NPHP1: variants seen among roughly 807,000 people sequenced by gnomAD.
NPHP1 encodes the protein nephrocystin 1, also known as nephrocystin-1.
Under a neutral mutation model 90.4 loss-of-function variants are expected in NPHP1, and 70 were observed. That is an observed-to-expected ratio of 0.77 (90% CI 0.64 to 0.95). The LOEUF (loss-of-function observed/expected upper bound fraction) is 0.95, where lower values mean the gene tolerates loss of function less well. NPHP1 is among the 40% of genes least tolerant of loss of function. The pLI, the probability that NPHP1 is intolerant of heterozygous loss-of-function variation, is 0.00. For missense variants in NPHP1, 764 were observed against 795.9 expected (o/e 0.96, Z 0.48); for synonymous variants, 256 against 271.7 (o/e 0.94, Z 0.57).
At chr2:110,193,284 T>C (rs1364575934) in intron 2 of NPHP1, among the ~76,000 whole-genome samples, 2 of 152,066 alleles carry the variant, frequency 1.3e-5, no homozygotes, top group Admixed American at 6.5e-5. Flanking sequence ...GAGACACACA[T>C]AGGCTCAAAA....
In NPHP1 at chr2:110,169,853, C is replaced by A. The variant is rs372855293; in HGVS notation, c.475G>T (p.Ala159Ser). ...HKWSTGEEYI[A>S]VGDFTAQQVG... ...TGCTGAGCAGTAAAATCTCCAACAG[C>A]GATGTATTCTTCACCGGTTGACCAT... The change falls in exon 5 of 20, where the codon GCT (alanine) becomes TCT (serine). Residue 159 changes from alanine to serine, a missense_variant. Ala to Ser is a moderately conservative substitution (Grantham distance 99, BLOSUM62 1). Coordinates refer to ENST00000445609, the MANE Select transcript of NPHP1 (RefSeq NM_001128178.3). The A allele has an allele frequency of 1.2e-6, 2 of 1,613,596 alleles. No individual in the cohort carries two copies. The highest frequency in any genetic ancestry group is 2.2e-5 in the East Asian group (1 of 44,846).
At chr2:110,154,621 G>A (rs1681750210) in intron 11 of NPHP1, among the ~76,000 whole-genome samples, 1 of 152,082 alleles carries the variant, frequency 6.6e-6, no homozygotes. Context: ...GAACTTGTTG[G>A]GCACTGGAGA....
intron 19 of NPHP1, chr2:110,124,422 G>C: frequency 3.0e-6 from 1 of 329,476 alleles, no homozygotes; most frequent in Non-Finnish European, 5.8e-6. Context: ...TGCCAAGTCA[G>C]CTGAACCTAC....
chr2:110,144,629 G>A, intron 14 of NPHP1, 60 bp from the exon 15 acceptor site: 3 of 964,802 alleles, frequency 3.1e-6, no homozygotes, highest in Non-Finnish European at 5.1e-6. Context: ...AAACACTGGA[G>A]TCAGTAGTTA....
chr2:110,194,255 G>T (rs182389674), intron 2 of NPHP1, among the ~76,000 whole-genome samples: 2 of 151,722 alleles, frequency 1.3e-5, no homozygotes, highest in East Asian at 1.9e-4. Flanking sequence ...TTGATAAACC[G>T]CTAGCAAGAC....
chr2:110,184,297 A>G (rs1228728075), intron 2 of NPHP1: 1 of 600,912 alleles, frequency 1.7e-6, no homozygotes, highest in Non-Finnish European at 3.2e-6. Flanking sequence ...GGCATTGTCA[A>G]GGACTGGAAC....
At chr2:110,175,829 A>G (rs1353998746) in intron 4 of NPHP1, among the ~76,000 whole-genome samples, 1 of 152,110 alleles carries the variant, frequency 6.6e-6, no homozygotes, top group Admixed American at 6.5e-5. Flanking sequence ...TGAGACTTCA[A>G]TTACAAATCT....
intron 13 of NPHP1, 33 bp from the exon 14 acceptor site, chr2:110,146,868 G>C: frequency 6.9e-7 from 1 of 1,449,340 alleles, no homozygotes; most frequent in Non-Finnish European, 9.7e-7. Context: ...GAAACTTAAG[G>C]TCTGAACTAG....
chr2:110,171,560 A>G (rs919820432), intron 4 of NPHP1, among the ~76,000 whole-genome samples: 4 of 152,168 alleles, frequency 2.6e-5, no homozygotes, highest in African/African-American at 9.7e-5. Flanking sequence ...CCACAAGACT[A>G]AAAAATCCAT....
chr2:110,154,461 T>C (rs1006465344), intron 11 of NPHP1, among the ~76,000 whole-genome samples: 1 of 151,850 alleles, frequency 6.6e-6, no homozygotes, highest in African/African-American at 2.4e-5. Context: ...CAGGCAGAGG[T>C]TGGAACAGTT....
intron 12 of NPHP1, among the ~76,000 whole-genome samples, chr2:110,149,373 A>T (rs1681297512): frequency 6.6e-6 from 1 of 152,170 alleles, no homozygotes; most frequent in South Asian, 2.1e-4. Context: ...ACGCAATAAC[A>T]GAATTGTGAA....
At chr2:110,143,393 T>C (rs891006434) in intron 16 of NPHP1, 149 bp downstream of exon 16, 13 of 668,150 alleles carry the variant, frequency 1.9e-5, no homozygotes, top group Middle Eastern at 2.5e-4. Flanking sequence ...TTGTTACCCA[T>C]TTCCCTACTG....
chr2:110,179,478 C>T, intron 3 of NPHP1, 146 bp downstream of exon 3: 1 of 558,662 alleles, frequency 1.8e-6, no homozygotes, highest in Non-Finnish European at 3.3e-6. Context: ...ACTTAGCAAG[C>T]CTGTTCGGCA....
intron 14 of NPHP1, 24 bp downstream of exon 14, chr2:110,146,729 G>T (rs201776439): frequency 1.3e-6 from 2 of 1,531,208 alleles, no homozygotes; most frequent in South Asian, 1.1e-5. Context: ...GTATTCATTC[G>T]TTAGGAATAT....
intron 8 of NPHP1, chr2:110,163,467 A>C (rs572758469): frequency 6.0e-6 from 2 of 334,494 alleles, no homozygotes; most frequent in Non-Finnish European, 1.1e-5. Flanking sequence ...GTCTATTGGC[A>C]AATCACATGC....
At chr2:110,192,869 AG>A (rs1224757339) in intron 2 of NPHP1, among the ~76,000 whole-genome samples, 1 of 152,182 alleles carries the variant, frequency 6.6e-6, no homozygotes, top group Non-Finnish European at 1.5e-5. Flanking sequence ...CTTAAAGAAA[AG>A]AATTTTCAAC....
At position 110,166,342 on chromosome 2, in the gene NPHP1, T is replaced by A. The variant is rs186617182; in HGVS notation, c.625-1187A>T. 8.3e-4 allele frequency among the ~76,000 whole-genome samples: 127 copies of A among 152,274 alleles called. 2 individuals carry two copies. The highest frequency in any genetic ancestry group is 4.4e-3 in the East Asian group (23 of 5,184). On this transcript the variant is annotated intron_variant, in intron 6 of 19. Transcript: ENST00000445609. ...GGCTGGCTACCACCTATTCCCCACC[T>A]CCTTTTTCAAACAAAATCCCTGATT...
intron 16 of NPHP1, among the ~76,000 whole-genome samples, chr2:110,133,898 T>C (rs1679974325): frequency 6.6e-6 from 1 of 152,044 alleles, no homozygotes. Context: ...GGGAAATTTA[T>C]AGCTATAAAT....
chr2:110,164,617 T>C lies in NPHP1; in HGVS notation c.771+71A>G, dbSNP rs1419552245. The C allele has an allele frequency of 3.1e-6, 5 of 1,610,758 alleles. No individual in the cohort carries two copies. In the Admixed American group the frequency reaches 6.7e-5, roughly 21 times the overall value. On this transcript the variant is annotated intron_variant, in intron 8 of 19. Transcript: ENST00000445609. Reference sequence around the variant, plus strand: ...AGATCCATTGGTGTCTTCCACAGTCTCCATCCTATTTCGCATCAGAACTAT... The same window carrying C: ...AGATCCATTGGTGTCTTCCACAGTCCCCATCCTATTTCGCATCAGAACTAT...
Sources: allele counts gnomAD v4.1 joint callset (sites outside exome capture counted in the v4.1 genomes callset), GRCh38; gene constraint gnomAD v4.1.1; transcripts MANE v1.5; gene names NCBI Gene and HGNC (gene_info 2026-07-23, HGNC 2026-07-21).